The following SLC38A8 variants were observed in gnomAD, a reference collection of about 807,000 sequenced individuals.
The protein encoded by SLC38A8 is solute carrier family 38 member 8.
SLC38A8 carries 65 observed loss-of-function variants against 46.0 expected under a neutral mutation model. The ratio of observed to expected loss-of-function variants is 1.41; its 90% CI spans 1.16 to 1.74. SLC38A8 has a LOEUF of 1.74. SLC38A8 is among the 40% of genes most tolerant of loss of function. The pLI is 0.00. For missense variants in SLC38A8, 998 were observed against 567.9 expected (o/e 1.76, Z -7.70); for synonymous variants, 447 against 243.7 (o/e 1.83, Z -7.77).
chr16:84,016,599 A>G lies in SLC38A8; in HGVS notation c.1082T>C (p.Met361Thr). 1 of 1,614,044 alleles carries G rather than the reference A, an allele frequency of 6.2e-7. No homozygotes were observed. Among genetic ancestry groups the G allele is most frequent in the Non-Finnish European group, 8.5e-7 (1 of 1,180,030 alleles). ...GCTGAGGTCAGGCATAAACAGCGCC[A>G]TGGCGAGCGTCACGGTGACCCACAG... ...TILWVTVTLA[M>T]ALFMPDLSEI... The change falls in exon 9 of 11, where the codon ATG (methionine) becomes ACG (threonine). Residue 361 changes from methionine (M) to threonine (T), a missense_variant. Coordinates refer to ENST00000299709, the MANE Select transcript of SLC38A8 (RefSeq NM_001080442.3).
intron 9 of SLC38A8, among the ~76,000 whole-genome samples, chr16:84,014,433 C>T (rs2084999622): frequency 2.6e-5 from 4 of 151,804 alleles, no homozygotes; most frequent in African/African-American, 4.8e-5. Flanking sequence ...TGTGGCCACA[C>T]CCCTCACCTC....
chr16:84,016,884 G>T, intron 8 of SLC38A8, 157 bp from the exon 9 acceptor site: 1 of 1,033,426 alleles, frequency 9.7e-7, no homozygotes, highest in Non-Finnish European at 1.4e-6. Flanking sequence ...CCAACCCTCA[G>T]GGGTTCTGCC....
intron 4 of SLC38A8, among the ~76,000 whole-genome samples, chr16:84,032,380 G>C (rs1006349394): frequency 6.6e-5 from 10 of 152,134 alleles, no homozygotes; most frequent in South Asian, 4.1e-4. Context: ...GTAGAGACAG[G>C]GTTTCACCGT....
chr16:84,039,755 AAAAAAAAAAAAAAGGC>A (rs1567705701), intron 2 of SLC38A8, among the ~76,000 whole-genome samples: 9 of 123,944 alleles, frequency 7.3e-5, no homozygotes, highest in African/African-American at 1.0e-4. Context: ...AAAAAAAAAA[AAAAAAAAAAAAAAGGC>A]AGGGGAAGGT....
chr16:84,023,487 A>C (rs1467032791), intron 6 of SLC38A8, among the ~76,000 whole-genome samples: 1 of 152,124 alleles, frequency 6.6e-6, no homozygotes, highest in East Asian at 1.9e-4. Flanking sequence ...CACCAAGAGC[A>C]GAGGGCGTAA....
intron 9 of SLC38A8, among the ~76,000 whole-genome samples, chr16:84,014,427 G>A (rs568398069): frequency 1.7e-4 from 26 of 151,624 alleles, no homozygotes; most frequent in Middle Eastern, 3.4e-3. Context: ...CAGCTGTGTG[G>A]CCACACCCCT....
chr16:84,014,422 G>C (rs925399426), intron 9 of SLC38A8, among the ~76,000 whole-genome samples: 2 of 146,718 alleles, frequency 1.4e-5, no homozygotes, highest in African/African-American at 5.1e-5. Context: ...AGGAGCAGCT[G>C]TGTGGCCACA....
At chr16:84,028,273 C>A (rs769793827) in intron 6 of SLC38A8, among the ~76,000 whole-genome samples, 2 of 152,008 alleles carry the variant, frequency 1.3e-5, no homozygotes, top group Non-Finnish European at 2.9e-5. Context: ...GACATCGAGG[C>A]AAATCTTCCC....
At chr16:84,018,959 TGAG>T (rs2085064598) in intron 7 of SLC38A8, among the ~76,000 whole-genome samples, 2 of 152,284 alleles carry the variant, frequency 1.3e-5, no homozygotes, top group South Asian at 4.1e-4. Context: ...CTTCCAGTGA[TGAG>T]GACTATTTTC....
In SLC38A8 at chr16:84,036,721, G is replaced by C. The variant is rs202144765; in HGVS notation, c.369C>G (p.Ile123Met). 1 of 1,614,136 alleles carries C rather than the reference G, an allele frequency of 6.2e-7. No individual in the cohort carries two copies. The highest frequency in any genetic ancestry group is 1.7e-5 in the Admixed American group (1 of 60,026). Residue 123 changes from isoleucine to methionine, a missense_variant, in exon 3 of 11, where the codon ATC becomes ATG. Transcript: ENST00000299709. ...ACTTACGCTTCTCCAGCTGGTCCCC[G>C]ATCACCCTGAGGAAGGCCACGGAGA... ...LMISVAFLRVIGDQLEKLCDS... is the reference protein window; with the variant it reads ...LMISVAFLRVMGDQLEKLCDS...
upstream of SLC38A8, among the ~76,000 whole-genome samples, chr16:84,043,267 G>C (rs1161345389): frequency 1.3e-5 from 2 of 152,216 alleles, no homozygotes; most frequent in Non-Finnish European, 2.9e-5. Flanking sequence ...CTGATACGGG[G>C]TCAGCTAAGG....
intron 2 of SLC38A8, among the ~76,000 whole-genome samples, chr16:84,039,375 T>G (rs1481856808): frequency 6.6e-6 from 1 of 152,196 alleles, no homozygotes; most frequent in Non-Finnish European, 1.5e-5. Flanking sequence ...CCCTGAAGAC[T>G]GGGTGGTATC....
At chr16:84,018,277 G>A (rs1351504758) in intron 7 of SLC38A8, among the ~76,000 whole-genome samples, 2 of 131,888 alleles carry the variant, frequency 1.5e-5, no homozygotes, top group African/African-American at 5.7e-5. Context: ...CTGTCGCCCA[G>A]GCTGGAGTGC....
chr16:84,040,420 T>G (rs946197143), intron 2 of SLC38A8, among the ~76,000 whole-genome samples: 6 of 152,142 alleles, frequency 3.9e-5, no homozygotes, highest in African/African-American at 1.2e-4. Flanking sequence ...ACAAATGTGG[T>G]CTCAGGCCCA....
intron 6 of SLC38A8, among the ~76,000 whole-genome samples, chr16:84,028,799 C>A (rs529769330): frequency 2.6e-5 from 4 of 151,900 alleles, no homozygotes; most frequent in Non-Finnish European, 5.9e-5. Flanking sequence ...CTATGCTATC[C>A]CACCTGTGCT....
chr16:84,014,060 A>C (rs2084993057), intron 9 of SLC38A8, among the ~76,000 whole-genome samples: 1 of 150,400 alleles, frequency 6.6e-6, no homozygotes, highest in African/African-American at 2.5e-5. Context: ...CCACACTCTC[A>C]TCTCTGAAAG....
chr16:84,023,535 G>A (rs967606931), intron 6 of SLC38A8, among the ~76,000 whole-genome samples: 3 of 152,000 alleles, frequency 2.0e-5, no homozygotes, highest in Non-Finnish European at 4.4e-5. Flanking sequence ...GCATGATGTG[G>A]CTCTGACAAA....
chr16:84,034,277 T>G (rs1445496629), intron 3 of SLC38A8, among the ~76,000 whole-genome samples: 1 of 152,260 alleles, frequency 6.6e-6, no homozygotes, highest in Non-Finnish European at 1.5e-5. Flanking sequence ...TGCCACACAT[T>G]GCTGGACAAA....
chr16:84,026,253 A>G (rs972942496), intron 6 of SLC38A8, among the ~76,000 whole-genome samples: 42 of 150,296 alleles, frequency 2.8e-4, no homozygotes, highest in African/African-American at 1.0e-3. Flanking sequence ...TTTTTGAGAC[A>G]GAGTCTCGCT....
Sources: allele counts gnomAD v4.1 joint callset (sites outside exome capture counted in the v4.1 genomes callset), GRCh38; gene constraint gnomAD v4.1.1; transcripts MANE v1.5; gene names NCBI Gene and HGNC (gene_info 2026-07-23, HGNC 2026-07-21).